Variants in TRRAP observed in about 807,000 individuals in gnomAD.
TRRAP encodes transformation/transcription domain-associated protein.
In TRRAP, 41 loss-of-function variants were observed where a neutral mutation model predicts 438.8. That is an observed-to-expected ratio of 0.09 (90% CI 0.07 to 0.12). The LOEUF (loss-of-function observed/expected upper bound fraction) is 0.12, where lower values mean the gene tolerates loss of function less well. Among genes scored for constraint, TRRAP ranks in the 10% least tolerant of loss-of-function variants. The probability of loss-of-function intolerance (pLI) is 1.00; values close to 1 mark genes in which losing one functional copy is unlikely to be tolerated. For missense variants in TRRAP, 3,122 were observed against 5,055.1 expected (o/e 0.62, Z 11.60); for synonymous variants, 1,994 against 1,962.9 (o/e 1.02, Z -0.42).
intron 4 of TRRAP, among the ~76,000 whole-genome samples, 192 bp downstream of exon 4, chr7:98,890,637 A>G (rs1234551132): frequency 1.3e-5 from 2 of 152,034 alleles, no homozygotes; most frequent in African/African-American, 4.8e-5. Flanking sequence ...TCCCTTTTAC[A>G]ATTTAAATTA....
In TRRAP at chr7:98,988,791, C is replaced by G; in HGVS notation, c.9416C>G (p.Ser3139Cys). Residue 3139 changes from serine to cysteine, a missense_variant, in exon 63 of 73, where the codon TCT becomes TGT. Transcript: ENST00000456197. ...NKSEEANKAF[S>C]AAVQMHDVLV... is the part of the protein sequence containing the mutation. ...TCCGAGGAGGCAAACAAAGCCTTCT[C>G]TGCAGCTGTGCAGATGCACGATGTG... The G allele has an allele frequency of 6.2e-7, 1 of 1,614,196 alleles. No individual in the cohort carries two copies. Among genetic ancestry groups the G allele is most frequent in the Non-Finnish European group, 8.5e-7 (1 of 1,180,044 alleles).
intron 10 of TRRAP, 56 bp from the exon 11 acceptor site, chr7:98,900,568 T>G (rs1796427417): frequency 4.2e-6 from 6 of 1,443,244 alleles, no homozygotes; most frequent in Non-Finnish European, 3.8e-6. Context: ...GGCTTTTAAT[T>G]AATACTAACA....
intron 19 of TRRAP, among the ~76,000 whole-genome samples, 154 bp downstream of exon 19, chr7:98,916,042 C>T (rs1789506572): frequency 6.6e-6 from 1 of 151,934 alleles, no homozygotes; most frequent in African/African-American, 2.4e-5. Context: ...TGCCCCCCTC[C>T]CCTGGCCCTG....
At chr7:98,937,595 A>G (rs1790615216) in intron 29 of TRRAP, 55 bp from the exon 30 acceptor site, 4 of 1,532,412 alleles carry the variant, frequency 2.6e-6, no homozygotes, top group Non-Finnish European at 2.6e-6. Flanking sequence ...GTTCTGTTCT[A>G]TTATGAAGTG....
intron 67 of TRRAP, among the ~76,000 whole-genome samples, chr7:99,002,697 TGAAAGG>T (rs1208398802): frequency 6.6e-6 from 1 of 151,458 alleles, no homozygotes; most frequent in Non-Finnish European, 1.5e-5. Flanking sequence ...GAGCTTAAAA[TGAAAGG>T]GAAACCAGAC....
At chr7:98,943,136 C>G in intron 31 of TRRAP, 119 bp downstream of exon 31, 1 of 990,098 alleles carries the variant, frequency 1.0e-6, no homozygotes, top group Admixed American at 2.4e-5. Context: ...TGATTGTAGT[C>G]CTTGTAAATT....
intron 20 of TRRAP, among the ~76,000 whole-genome samples, chr7:98,920,979 A>G (rs567255083): frequency 6.6e-6 from 1 of 152,288 alleles, no homozygotes; most frequent in Non-Finnish European, 1.5e-5. Flanking sequence ...AGCTGGGATT[A>G]CAGGCATGTG....
chr7:99,000,231 ACTC>A (rs1046603166), intron 67 of TRRAP, among the ~76,000 whole-genome samples: 6 of 151,192 alleles, frequency 4.0e-5, no homozygotes, highest in African/African-American at 1.5e-4. Flanking sequence ...CTGGTTTTGA[ACTC>A]CTGACCTCAA....
At chr7:98,977,159 G>A (rs1792698264) in intron 56 of TRRAP, 83 bp downstream of exon 56, 1 of 1,577,004 alleles carries the variant, frequency 6.3e-7, no homozygotes, top group Non-Finnish European at 8.6e-7. Flanking sequence ...CCTCAAGTCG[G>A]AGTTCACGTT....
In TRRAP at chr7:99,012,376, C is replaced by T. The variant is rs369059265; in HGVS notation, c.*21C>T. 2.1e-4 allele frequency: 333 copies of T among 1,574,182 alleles called. No homozygotes were observed. Among genetic ancestry groups the T allele is most frequent in the Non-Finnish European group, 2.6e-4 (300 of 1,158,354 alleles). On this transcript the variant is annotated 3_prime_UTR_variant, in exon 73 of 73. Coordinates refer to ENST00000456197, the MANE Select transcript of TRRAP (RefSeq NM_001375524.1). This position sits in a 1 kb window ranked among gnomAD's most constrained non-coding sequence, Gnocchi z 5.9. Reference sequence around the variant, plus strand: ...TGTGACTGTGGCCGCCACGGCCACCCGGAATGTGAAGGGCGCTCCGGGCTC... The same window carrying T: ...TGTGACTGTGGCCGCCACGGCCACCTGGAATGTGAAGGGCGCTCCGGGCTC...
At chr7:98,893,411 C>A (rs1215672150) in intron 5 of TRRAP, among the ~76,000 whole-genome samples, 2 of 152,218 alleles carry the variant, frequency 1.3e-5, no homozygotes, top group African/African-American at 4.8e-5. Flanking sequence ...GTAGATGGAA[C>A]CCCATCCTCA....
In TRRAP at chr7:98,910,218, G is replaced by GTCCC; in HGVS notation, c.1513_1514insTCCC (p.Ala505ValfsTer69). 7.3e-7 allele frequency: 1 copy of GTCCC among 1,377,630 alleles called. No individual in the cohort carries two copies. Among genetic ancestry groups the GTCCC allele is most frequent in the Non-Finnish European group, 9.4e-7 (1 of 1,064,950 alleles). 85.3% of individuals were successfully genotyped at this position (1,377,630 alleles called of 1,614,324 possible). A position where few individuals can be genotyped will look rare whatever the true frequency, so the allele number is the denominator to read the frequency against. ...TGCTCCCTCCCCAGCCCCTGTCCCTGCCCCACCTCCACCCCCGCCCCCACC... is the reference window on the plus strand; with the variant it reads ...TGCTCCCTCCCCAGCCCCTGTCCCTGTCCCCCCCACCTCCACCCCCGCCCCCACC... On this transcript the variant is annotated frameshift_variant, in exon 15 of 73. Coordinates refer to ENST00000456197, the MANE Select transcript of TRRAP (RefSeq NM_001375524.1). LOFTEE classifies it high-confidence loss of function.
At chr7:98,981,405 A>G (rs1792908113) in intron 58 of TRRAP, among the ~76,000 whole-genome samples, 1 of 152,166 alleles carries the variant, frequency 6.6e-6, no homozygotes, top group Non-Finnish European at 1.5e-5. Context: ...CCGTCTCAAA[A>G]AAATAATAAT....
At chr7:98,931,305 AC>A (rs1283321992) in intron 25 of TRRAP, 99 bp from the exon 26 acceptor site, 4 of 1,519,232 alleles carry the variant, frequency 2.6e-6, no homozygotes, top group Non-Finnish European at 3.5e-6. Context: ...AAGGGCATGG[AC>A]CCCAGTGACA....
intron 44 of TRRAP, 104 bp downstream of exon 44, chr7:98,958,195 C>T: frequency 3.1e-6 from 3 of 970,478 alleles, no homozygotes; most frequent in Non-Finnish European, 4.5e-6. Context: ...AAGATACAGA[C>T]AAACCAAGGT....
At chr7:98,999,424 CA>C in intron 67 of TRRAP, 1 of 1,040,794 alleles carries the variant, frequency 9.6e-7, no homozygotes, top group Non-Finnish European at 1.5e-6. Flanking sequence ...GCAGCTCCTC[CA>C]AAATCTAGCT....
chr7:98,997,041 C>T (rs575064693), intron 67 of TRRAP, among the ~76,000 whole-genome samples: 1 of 152,102 alleles, frequency 6.6e-6, no homozygotes, highest in Admixed American at 6.5e-5. Flanking sequence ...CACGGTGGCT[C>T]ACGTCTGTAA....
chr7:98,896,877 T>G (rs976532131), intron 7 of TRRAP, among the ~76,000 whole-genome samples: 2 of 152,122 alleles, frequency 1.3e-5, no homozygotes, highest in Admixed American at 6.5e-5. Flanking sequence ...GCTGCCTTGT[T>G]GAACGTGAAA....
intron 13 of TRRAP, among the ~76,000 whole-genome samples, 192 bp downstream of exon 13, chr7:98,906,447 T>C (rs1227638187): frequency 1.4e-5 from 2 of 141,596 alleles, no homozygotes; most frequent in African/African-American, 5.2e-5. Context: ...TATTTATTTA[T>C]TTTGAGGCCG....
Sources: gnomAD v4.1 joint callset for allele counts (sites outside exome capture counted in the v4.1 genomes callset) on GRCh38, gnomAD v4.1.1 for gene constraint, Gnocchi (gnomAD v3.1) non-coding constraint, MANE v1.5 for transcripts, NCBI Gene and HGNC (gene_info 2026-07-23, HGNC 2026-07-21) for gene names.